AIG1: variants seen among roughly 807,000 people sequenced by gnomAD.
The protein encoded by AIG1 is androgen-induced gene 1 protein.
A neutral mutation model predicts 31.4 loss-of-function variants in AIG1; 23 were observed. The ratio of observed to expected loss-of-function variants is 0.73; its 90% confidence interval spans 0.53 to 1.04. The LOEUF is 1.04. AIG1 is among the 50% of genes least tolerant of loss of function. The probability of loss-of-function intolerance (pLI) is 0.00; values close to 1 mark genes in which losing one functional copy is unlikely to be tolerated. For synonymous variants in AIG1, 100 were observed against 110.5 expected (o/e 0.90, Z 0.60); for missense variants, 274 against 295.0 (o/e 0.93, Z 0.52).
intron 3 of AIG1, chr6:143,188,042 A>G (rs1789431918): frequency 8.3e-6 from 9 of 1,079,836 alleles, no homozygotes; most frequent in African/African-American, 1.7e-5. Flanking sequence ...GTGATTTTTA[A>G]AAAACATTTG....
At chr6:143,305,951 G>T (rs1260544847) in intron 4 of AIG1, among the ~76,000 whole-genome samples, 1 of 152,048 alleles carries the variant, frequency 6.6e-6, no homozygotes, top group Admixed American at 6.5e-5. Flanking sequence ...AACTCTTCTT[G>T]TTGAATTGAT....
chr6:143,243,590 T>G (rs1794407160), intron 3 of AIG1, among the ~76,000 whole-genome samples: 2 of 152,222 alleles, frequency 1.3e-5, no homozygotes, highest in African/African-American at 4.8e-5. Context: ...ATATCTGATC[T>G]TAAGTCACCC....
chr6:143,274,377 T>C (rs1486930638), intron 3 of AIG1, among the ~76,000 whole-genome samples: 2 of 152,226 alleles, frequency 1.3e-5, no homozygotes, highest in African/African-American at 4.8e-5. Flanking sequence ...ATGATGATAA[T>C]AACATATACC....
intron 4 of AIG1, among the ~76,000 whole-genome samples, chr6:143,307,865 C>T (rs1349068479): frequency 6.6e-6 from 1 of 152,258 alleles, no homozygotes; most frequent in African/African-American, 2.4e-5. Context: ...CCACCCAGTT[C>T]AAGCTTCCCA....
chr6:143,068,114 AGTCATCTGACCACTAG>A (rs1394181182), intron 1 of AIG1, among the ~76,000 whole-genome samples: 2 of 152,210 alleles, frequency 1.3e-5, no homozygotes. Context: ...AATTACAGAA[AGTCATCTGACCACTAG>A]TTGAGGTCAC....
At chr6:143,335,530 CAA>C (rs35780151) in intron 5 of AIG1, 45,614 of 109,790 alleles carry the variant, frequency 0.42, 7,949 homozygotes, top group South Asian at 0.54. Context: ...GACTCCATCT[CAA>C]AAAAAAAAAA....
intron 4 of AIG1, among the ~76,000 whole-genome samples, chr6:143,317,986 A>G (rs1354873231): frequency 2.0e-5 from 3 of 152,136 alleles, no homozygotes; most frequent in South Asian, 2.1e-4. Context: ...CACTGCTGAA[A>G]GAAATTATAG....
chr6:143,224,673 A>G (rs1384473537), intron 3 of AIG1, among the ~76,000 whole-genome samples: 2 of 152,198 alleles, frequency 1.3e-5, no homozygotes, highest in African/African-American at 2.4e-5. Context: ...GTTTAGTGCT[A>G]TGAGTAATGT....
intron 4 of AIG1, among the ~76,000 whole-genome samples, chr6:143,315,386 A>G (rs1164786455): frequency 6.6e-6 from 1 of 152,130 alleles, no homozygotes; most frequent in Non-Finnish European, 1.5e-5. Flanking sequence ...GAAGAAGAAC[A>G]AAGTAGGAGG....
intron 1 of AIG1, among the ~76,000 whole-genome samples, chr6:143,083,873 C>T (rs1778514361): frequency 6.6e-6 from 1 of 152,174 alleles, no homozygotes; most frequent in Admixed American, 6.5e-5. Context: ...AACGTGTGTT[C>T]CTTCTCCTAT....
rs147591197 is a variant in AIG1, at chr6:143,280,749, G to A, written c.400-3361G>A. ...GGGGAGGTTGGGAGGAGGGAGAGTA[G>A]CAGAAAAGATAACTATTGGGTACTG... On this transcript the variant is annotated intron_variant, in intron 3 of 5. Coordinates refer to ENST00000357847, the MANE Select transcript of AIG1 (RefSeq NM_016108.4). The surrounding 1 kb of genome is among the most constrained non-coding windows in gnomAD (Gnocchi z 4.1). 9.9e-4 allele frequency among the ~76,000 whole-genome samples: 151 copies of A among 152,264 alleles called. 2 individuals are homozygous for A. Among genetic ancestry groups the A allele is most frequent in the Middle Eastern group, 3.4e-3 (1 of 294 alleles).
At chr6:143,251,609 C>G (rs1164709194) in intron 3 of AIG1, among the ~76,000 whole-genome samples, 3 of 152,130 alleles carry the variant, frequency 2.0e-5, no homozygotes, top group African/African-American at 7.2e-5. Flanking sequence ...ATTATGGGTG[C>G]ATAATACCTA....
intron 3 of AIG1, among the ~76,000 whole-genome samples, chr6:143,276,481 C>G (rs1370973649): frequency 6.6e-6 from 1 of 152,122 alleles, no homozygotes; most frequent in Non-Finnish European, 1.5e-5. Context: ...GGTTTGACAG[C>G]CGGCAGGAAC....
chr6:143,086,057 A>G (rs570062007), intron 1 of AIG1, among the ~76,000 whole-genome samples: 2 of 152,360 alleles, frequency 1.3e-5, no homozygotes, highest in African/African-American at 4.8e-5. Flanking sequence ...TGTGCTCACA[A>G]TGAGGTTTCC....
At chr6:143,181,702 T>C (rs983123630) in intron 3 of AIG1, among the ~76,000 whole-genome samples, 2 of 152,066 alleles carry the variant, frequency 1.3e-5, no homozygotes, top group African/African-American at 2.4e-5. Flanking sequence ...GTGAACTACT[T>C]TGTGAGATAG....
rs35620148 is a variant in AIG1 at position 143,260,017 on chromosome 6, C to CTTTTT, written c.400-24073_400-24069dup. On this transcript the variant is annotated intron_variant, in intron 3 of 5. Coordinates refer to ENST00000357847, the MANE Select transcript of AIG1 (RefSeq NM_016108.4). ...TGAGGGTCTTGTGCTTCTTGTGCTT[C>CTTTTT]TTTTTTTTTTTTTTTTTTTTTTTTG... Among the ~76,000 whole-genome samples the CTTTTT allele has an allele frequency of 2.1e-3, 177 of 85,112 alleles. 3 individuals are homozygous for CTTTTT. Among genetic ancestry groups the CTTTTT allele is most frequent in the African/African-American group, 6.1e-3 (131 of 21,558 alleles). The allele number at this position is 85,112 out of a possible 152,430, so 55.8% of individuals were successfully genotyped here.
At chr6:143,208,568 CT>C (rs1462470979) in intron 3 of AIG1, among the ~76,000 whole-genome samples, 1 of 152,108 alleles carries the variant, frequency 6.6e-6, no homozygotes, top group Non-Finnish European at 1.5e-5. Context: ...GAATGGAAGG[CT>C]GTAATTTAGT....
chr6:143,190,133 G>T (rs1305463509), intron 3 of AIG1: 2 of 968,948 alleles, frequency 2.1e-6, no homozygotes, highest in Admixed American at 6.2e-5. Context: ...AACCTTAGAG[G>T]TTAGGGTTTC....
At chr6:143,203,046 G>T (rs1790831487) in intron 3 of AIG1, among the ~76,000 whole-genome samples, 1 of 152,144 alleles carries the variant, frequency 6.6e-6, no homozygotes, top group South Asian at 2.1e-4. Flanking sequence ...AGAAGGTAAT[G>T]AACCAGATAC....
Sources: gnomAD v4.1 joint callset for allele counts (sites outside exome capture counted in the v4.1 genomes callset) on GRCh38, gnomAD v4.1.1 for gene constraint, Gnocchi (gnomAD v3.1) non-coding constraint, MANE v1.5 for transcripts, NCBI Gene and HGNC (gene_info 2026-07-23, HGNC 2026-07-21) for gene names.